EMP2: variants seen among roughly 807,000 people sequenced by gnomAD.
EMP2 encodes the protein epithelial membrane protein 2.
In EMP2, 19 loss-of-function variants were observed where a neutral mutation model predicts 13.7. The ratio of observed to expected loss-of-function variants is 1.38; its 90% CI spans 0.97 to 2.03. The LOEUF is 2.03. Ranked by LOEUF, EMP2 falls within the 30% of genes most tolerant of loss-of-function variation. The pLI is 0.00. For missense variants in EMP2, 253 were observed against 220.7 expected (o/e 1.15, Z -0.93); for synonymous variants, 97 against 84.7 (o/e 1.15, Z -0.80).
At chr16:10,573,942 T>TTC (rs2050964991) in intron 1 of EMP2, among the ~76,000 whole-genome samples, 1 of 141,260 alleles carries the variant, frequency 7.1e-6, no homozygotes, top group African/African-American at 2.7e-5. Flanking sequence ...TTTTTTTTTT[T>TTC]TTTTTTTTTT....
rs1383759061 is a variant in EMP2, at chr16:10,539,250, TTCTG to T, written c.170-1180_170-1177del. Among the ~76,000 whole-genome samples, 10 of 127,260 alleles carry T rather than the reference TTCTG, an allele frequency of 7.9e-5. No individual in the cohort carries two copies. The East Asian group carries it at 1.4e-3, about 18-fold the overall frequency. 83.5% of individuals were successfully genotyped at this position (127,260 alleles called of 152,430 possible). On this transcript the variant is annotated intron_variant, in intron 3 of 4. Transcript: ENST00000359543. ...GGACACACCTTCCTTTTCTTTTTCT[TTCTG>T]TCTTTTTTTTCCTTCAATTTTGCAG...
chr16:10,579,406 A>C lies in EMP2; in HGVS notation c.-61+1143T>G, dbSNP rs1596385415. Among the ~76,000 whole-genome samples the C allele has an allele frequency of 2.0e-5, 3 of 152,302 alleles. No individual in the cohort carries two copies. The South Asian group carries it at 6.2e-4, about 32-fold the overall frequency. ...TGCATAACATCATAATCATCATTTT[A>C]ACCGATGATAAGCATACAACTCAGT... On this transcript the variant is annotated intron_variant, in intron 1 of 4. Coordinates refer to ENST00000359543, the MANE Select transcript of EMP2 (RefSeq NM_001424.6).
chr16:10,539,663 A>G (rs926526119), intron 3 of EMP2, among the ~76,000 whole-genome samples: 5 of 152,190 alleles, frequency 3.3e-5, no homozygotes, highest in African/African-American at 1.2e-4. Context: ...AAAACCCACC[A>G]AACTGAGCCC....
intron 4 of EMP2, among the ~76,000 whole-genome samples, chr16:10,533,317 C>T (rs949821206): frequency 4.6e-5 from 7 of 152,178 alleles, no homozygotes; most frequent in South Asian, 2.1e-4. Context: ...GGATTACAGA[C>T]GTGAGCCACC....
Position 10,531,920 on chromosome 16 carries a change from G to A in EMP2, c.*985C>T, listed in dbSNP as rs1036469385. 1.9e-5 allele frequency: 3 copies of A among 154,832 alleles called. No homozygotes were observed. Among genetic ancestry groups the A allele is most frequent in the Non-Finnish European group, 4.4e-5 (3 of 68,264 alleles). The allele number at this position is 154,832 out of a possible 1,614,324, so 9.6% of individuals were successfully genotyped here. A position where few individuals can be genotyped will look rare whatever the true frequency, so the allele number is the denominator to read the frequency against. On this transcript the variant is annotated 3_prime_UTR_variant, in exon 5 of 5. Coordinates refer to ENST00000359543, the MANE Select transcript of EMP2 (RefSeq NM_001424.6). ...AGGAGGCTGTACCCCACACCCTGAA[G>A]GTGTCTATGAGTTCACATGGCTCAG...
intron 1 of EMP2, among the ~76,000 whole-genome samples, chr16:10,572,300 T>A (rs1307886360): frequency 6.6e-6 from 1 of 151,700 alleles, no homozygotes; most frequent in Non-Finnish European, 1.5e-5. Context: ...CTACAAAAAA[T>A]TTAAAAATTA....
At chr16:10,561,503 G>A (rs1473035737) in intron 1 of EMP2, among the ~76,000 whole-genome samples, 2 of 152,096 alleles carry the variant, frequency 1.3e-5, no homozygotes, top group Non-Finnish European at 2.9e-5. Flanking sequence ...AGGTGGGAGG[G>A]CAACCAAGAG....
chr16:10,566,316 G>A (rs1264362330), intron 1 of EMP2, among the ~76,000 whole-genome samples: 1 of 152,164 alleles, frequency 6.6e-6, no homozygotes, highest in Non-Finnish European at 1.5e-5. Context: ...GCCATAAATA[G>A]AAATTAATTG....
At position 10,529,931 on chromosome 16, in the gene EMP2, C is replaced by CAAAAAAAAAAAAAA. The variant is rs58318805; in HGVS notation, c.*2960_*2973dup. The CAAAAAAAAAAAAAA allele has an allele frequency of 2.7e-5, 2 of 75,388 alleles. No homozygotes were observed. The highest frequency in any genetic ancestry group is 5.7e-5 in the Non-Finnish European group (2 of 34,838). The allele number at this position is 75,388 out of a possible 1,614,324, so 4.7% of individuals were successfully genotyped here. A position where few individuals can be genotyped will look rare whatever the true frequency, so the allele number is the denominator to read the frequency against. The stretch of plus-strand genomic sequence containing the variant: ...GGGCAACAAGAGCAAAACTCAGTCT[C>CAAAAAAAAAAAAAA]AAAAAAAAAAAAAAAAAAGAAAAAG... On this transcript the variant is annotated 3_prime_UTR_variant, in exon 5 of 5. Coordinates refer to ENST00000359543, the MANE Select transcript of EMP2 (RefSeq NM_001424.6).
Position 10,568,605 on chromosome 16 carries a change from G to A in EMP2, c.-61+11944C>T, listed in dbSNP as rs553280865. The stretch of plus-strand genomic sequence containing the variant: ...TCTTTTGTTTCCTCCAACTGGCCCT[G>A]CCAGGGTGTCACAGGGTAACCTGGG... On this transcript the variant is annotated intron_variant, in intron 1 of 4. Transcript: ENST00000359543. Among the ~76,000 whole-genome samples the A allele has an allele frequency of 5.9e-5, 9 of 152,152 alleles. No individual in the cohort carries two copies. The East Asian group carries it at 1.7e-3, about 29-fold the overall frequency.
chr16:10,537,090 G>A (rs2050653251), intron 4 of EMP2, among the ~76,000 whole-genome samples: 1 of 152,074 alleles, frequency 6.6e-6, no homozygotes, highest in Non-Finnish European at 1.5e-5. Flanking sequence ...GCCTAAGTTG[G>A]CTCCCACACC....
chr16:10,549,791 C>T (rs960765419), intron 1 of EMP2, among the ~76,000 whole-genome samples: 6 of 151,750 alleles, frequency 4.0e-5, no homozygotes, highest in Non-Finnish European at 7.4e-5. Flanking sequence ...GAGTAAGTTG[C>T]CTAAACCATA....
rs2050573925 is a variant in EMP2, at chr16:10,528,625, CAT to C, written c.*4278_*4279del. On this transcript the variant is annotated 3_prime_UTR_variant, in exon 5 of 5. Transcript: ENST00000359543. ...ATGTACAGTTTCAGATTATACAAAA[CAT>C]AGAAAATGGACTATTTTAAAGGTAC... 6.6e-6 allele frequency: 1 copy of C among 152,136 alleles called. No homozygotes were observed. Among genetic ancestry groups the C allele is most frequent in the Non-Finnish European group, 1.5e-5 (1 of 68,026 alleles). The allele number at this position is 152,136 out of a possible 1,614,324, so 9.4% of individuals were successfully genotyped here.
intron 1 of EMP2, among the ~76,000 whole-genome samples, chr16:10,568,948 G>T (rs1483981994): frequency 6.6e-6 from 1 of 151,966 alleles, no homozygotes; most frequent in African/African-American, 2.4e-5. Flanking sequence ...CACCACGCCA[G>T]GCTAATTTTT....
chr16:10,567,983 G>C (rs1049019390), intron 1 of EMP2, among the ~76,000 whole-genome samples: 2 of 152,210 alleles, frequency 1.3e-5, no homozygotes, highest in Non-Finnish European at 2.9e-5. Context: ...GCAGAGCTGG[G>C]AGTGGAACAC....
intron 1 of EMP2, among the ~76,000 whole-genome samples, chr16:10,554,693 C>A (rs1788455233): frequency 6.6e-6 from 1 of 152,168 alleles, no homozygotes; most frequent in Non-Finnish European, 1.5e-5. Flanking sequence ...CACCACACCC[C>A]AACCCCTATG....
Position 10,569,880 on chromosome 16 carries a change from A to C in EMP2, c.-61+10669T>G, listed in dbSNP as rs190776725. Among the ~76,000 whole-genome samples, 267 of 152,226 alleles carry C rather than the reference A, an allele frequency of 1.8e-3. 2 individuals are homozygous for C. The highest frequency in any genetic ancestry group is 5.6e-3 in the South Asian group (27 of 4,826). On this transcript the variant is annotated intron_variant, in intron 1 of 4. Coordinates refer to ENST00000359543, the MANE Select transcript of EMP2 (RefSeq NM_001424.6). Reference sequence around the variant, plus strand: ...GGTATAAACGGATGCTGATCATGCCACTCGGGCCTGATGTGGCTCCAGACA... The same window carrying C: ...GGTATAAACGGATGCTGATCATGCCCCTCGGGCCTGATGTGGCTCCAGACA...
chr16:10,574,909 A>G (rs1404583256), intron 1 of EMP2, among the ~76,000 whole-genome samples: 1 of 151,918 alleles, frequency 6.6e-6, no homozygotes, highest in African/African-American at 2.4e-5. Context: ...AGGCTGGAGT[A>G]CGTGGAACAA....
chr16:10,532,828 A>C lies in EMP2; in HGVS notation c.*77T>G. 1 of 1,194,122 alleles carries C rather than the reference A, an allele frequency of 8.4e-7. No individual in the cohort carries two copies. Among genetic ancestry groups the C allele is most frequent in the Non-Finnish European group, 1.1e-6 (1 of 929,360 alleles). 74.0% of individuals were successfully genotyped at this position (1,194,122 alleles called of 1,614,324 possible). A position where few individuals can be genotyped will look rare whatever the true frequency, so the allele number is the denominator to read the frequency against. Reference sequence around the variant, plus strand: ...AATACGTTTGCTAGAAAAACCTCAAAAAATAATGATTATATACAAAATGGT... The same window carrying C: ...AATACGTTTGCTAGAAAAACCTCAACAAATAATGATTATATACAAAATGGT... On this transcript the variant is annotated 3_prime_UTR_variant, in exon 5 of 5. Transcript: ENST00000359543.
Sources: gnomAD v4.1 joint callset for allele counts (sites outside exome capture counted in the v4.1 genomes callset) on GRCh38, gnomAD v4.1.1 for gene constraint, MANE v1.5 for transcripts, NCBI Gene and HGNC (gene_info 2026-07-23, HGNC 2026-07-21) for gene names.